NEK7: variants seen among roughly 807,000 people sequenced by gnomAD.
The protein encoded by NEK7 is NIMA related kinase 7.
Under a neutral mutation model 44.6 loss-of-function variants are expected in NEK7, and 18 were observed. The observed-to-expected ratio is 0.40, with a 90% confidence interval of 0.28 to 0.60. NEK7 has a LOEUF of 0.60. NEK7 is among the 20% of genes least tolerant of loss of function. The pLI is 0.38. For synonymous variants in NEK7, 130 were observed against 121.1 expected (o/e 1.07, Z -0.48); for missense variants, 256 against 366.5 (o/e 0.70, Z 2.46).
chr1:198,159,083 C>T (rs992141681), intron 1 of NEK7, among the ~76,000 whole-genome samples: 2 of 152,206 alleles, frequency 1.3e-5, no homozygotes, highest in Admixed American at 1.3e-4. Context: ...CCGGAGGACC[C>T]TCCCGGAGGT....
At chr1:198,165,848 T>C (rs1467412738) in intron 1 of NEK7, among the ~76,000 whole-genome samples, 1 of 152,262 alleles carries the variant, frequency 6.6e-6, no homozygotes, top group East Asian at 1.9e-4. Flanking sequence ...TTTATCCATA[T>C]TGGAAATCTG....
intron 1 of NEK7, among the ~76,000 whole-genome samples, chr1:198,221,429 A>T (rs1057325645): frequency 2.0e-5 from 3 of 151,526 alleles, no homozygotes; most frequent in African/African-American, 7.3e-5. Flanking sequence ...AATATAATTA[A>T]TTTTTTTTCT....
chr1:198,185,326 AAG>A (rs1664888887), intron 1 of NEK7, among the ~76,000 whole-genome samples: 1 of 151,402 alleles, frequency 6.6e-6, no homozygotes, highest in Non-Finnish European at 1.5e-5. Context: ...TGCGTTTTTA[AAG>A]AAGTGTTTTC....
chr1:198,218,222 G>A (rs1313401135), intron 1 of NEK7, among the ~76,000 whole-genome samples: 3 of 151,764 alleles, frequency 2.0e-5, no homozygotes, highest in Non-Finnish European at 4.4e-5. Flanking sequence ...AAAAGTAGAT[G>A]CAAAGACTAA....
chr1:198,284,352 G>C, intron 7 of NEK7, among the ~76,000 whole-genome samples: 1 of 151,876 alleles, frequency 6.6e-6, no homozygotes, highest in Non-Finnish European at 1.5e-5. Context: ...TACTATATTC[G>C]GCTTTGTTAC....
intron 2 of NEK7, among the ~76,000 whole-genome samples, chr1:198,248,236 A>G (rs1364653478): frequency 6.6e-6 from 1 of 152,206 alleles, no homozygotes; most frequent in Non-Finnish European, 1.5e-5. Flanking sequence ...TAGAGATGCT[A>G]AAATGAATGC....
chr1:198,176,388 C>T (rs943021496), intron 1 of NEK7, among the ~76,000 whole-genome samples: 1 of 152,056 alleles, frequency 6.6e-6, no homozygotes, highest in African/African-American at 2.4e-5. Flanking sequence ...CAGTATGATG[C>T]CATTGTCTGT....
intron 1 of NEK7, among the ~76,000 whole-genome samples, chr1:198,188,619 A>G (rs1156653038): frequency 6.6e-6 from 1 of 152,092 alleles, no homozygotes; most frequent in East Asian, 1.9e-4. Flanking sequence ...AGATACTTAG[A>G]CCTTGTAGTT....
intron 1 of NEK7, among the ~76,000 whole-genome samples, chr1:198,198,997 C>T (rs1665332387): frequency 1.3e-5 from 2 of 152,210 alleles, no homozygotes. Context: ...CACCTACCAT[C>T]AGTAATGGGA....
At chr1:198,252,566 A>ATATATATG (rs1349132226) in intron 2 of NEK7, among the ~76,000 whole-genome samples, 1 of 52,520 alleles carries the variant, frequency 1.9e-5, no homozygotes, top group Admixed American at 2.7e-4. Flanking sequence ...ATATATATAT[A>ATATATATG]TAAAAAGTAC....
intron 1 of NEK7, among the ~76,000 whole-genome samples, chr1:198,228,771 G>A (rs1324890499): frequency 6.6e-6 from 1 of 152,158 alleles, no homozygotes; most frequent in Non-Finnish European, 1.5e-5. Flanking sequence ...ATTTTGGGCT[G>A]AGACAATGGG....
At chr1:198,316,873 CTT>C (rs1655386481) in intron 9 of NEK7, among the ~76,000 whole-genome samples, 1 of 152,210 alleles carries the variant, frequency 6.6e-6, no homozygotes, top group Non-Finnish European at 1.5e-5. Flanking sequence ...CATTCTCTCA[CTT>C]CTCATGCTGG....
intron 1 of NEK7, among the ~76,000 whole-genome samples, chr1:198,161,527 A>C (rs1030703900): frequency 1.3e-5 from 2 of 152,324 alleles, no homozygotes; most frequent in Middle Eastern, 3.4e-3. Flanking sequence ...GGAATTTTCC[A>C]CAACAGCGTT....
At chr1:198,291,993 C>G (rs1654572251) in intron 7 of NEK7, among the ~76,000 whole-genome samples, 1 of 151,964 alleles carries the variant, frequency 6.6e-6, no homozygotes, top group African/African-American at 2.4e-5. Flanking sequence ...GGAAAATGCC[C>G]TTTTCTTTTT....
intron 1 of NEK7, among the ~76,000 whole-genome samples, chr1:198,165,067 C>T (rs1664226725): frequency 6.6e-6 from 1 of 152,222 alleles, no homozygotes; most frequent in African/African-American, 2.4e-5. Context: ...GAAGTTTTAT[C>T]ATGGGATTGT....
intron 1 of NEK7, among the ~76,000 whole-genome samples, chr1:198,178,686 T>TTTGTTG (rs71133918): frequency 1.3e-5 from 2 of 151,650 alleles, no homozygotes; most frequent in South Asian, 2.1e-4. Flanking sequence ...CCTGCCATTT[T>TTTGTTG]TTGTTGTTGT....
At chr1:198,203,412 C>A (rs1665496240) in intron 1 of NEK7, among the ~76,000 whole-genome samples, 1 of 152,138 alleles carries the variant, frequency 6.6e-6, no homozygotes, top group Non-Finnish European at 1.5e-5. Context: ...GGTTGCACCC[C>A]CAGGTACAGG....
intron 5 of NEK7, among the ~76,000 whole-genome samples, chr1:198,270,206 C>T (rs1246433073): frequency 6.6e-6 from 1 of 151,880 alleles, no homozygotes; most frequent in South Asian, 2.1e-4. Flanking sequence ...TAGTTCATTT[C>T]ACAAAATATA....
chr1:198,266,406 A>G (rs145620236), intron 5 of NEK7, among the ~76,000 whole-genome samples: 2 of 152,226 alleles, frequency 1.3e-5, no homozygotes, highest in African/African-American at 4.8e-5. Context: ...TTAGACATTT[A>G]CTATGTGCCA....
Sources: allele counts gnomAD v4.1 joint callset (sites outside exome capture counted in the v4.1 genomes callset), GRCh38; gene constraint gnomAD v4.1.1; transcripts MANE v1.5; gene names NCBI Gene and HGNC (gene_info 2026-07-23, HGNC 2026-07-21).